PXYLP1: variants seen among roughly 807,000 people sequenced by gnomAD.
PXYLP1 encodes 2-phosphoxylose phosphatase 1.
In PXYLP1, 17 loss-of-function variants were observed where a neutral mutation model predicts 37.9. The observed-to-expected ratio is 0.45, with a 90% CI of 0.31 to 0.67. The LOEUF is 0.67. PXYLP1 is among the 30% of genes least tolerant of loss of function. The pLI is 0.07. For synonymous variants in PXYLP1, 221 were observed against 232.2 expected (o/e 0.95, Z 0.44); for missense variants, 511 against 612.0 (o/e 0.84, Z 1.74).
chr3:141,239,214 G>A (rs1042693813), intron 1 of PXYLP1, among the ~76,000 whole-genome samples: 2 of 152,276 alleles, frequency 1.3e-5, no homozygotes, highest in Non-Finnish European at 2.9e-5. Context: ...TGACTTCTCT[G>A]GTCATGATCA....
Position 141,287,488 on chromosome 3 carries a change from C to T in PXYLP1, c.505+35C>T, listed in dbSNP as rs200959489. On this transcript the variant is annotated intron_variant, in intron 5 of 5. Coordinates refer to ENST00000286353, the MANE Select transcript of PXYLP1 (RefSeq NM_001037172.3). ...ACCCCCATGCGCTCAGGGGTTCCCC[C>T]ACCCGCTCTTCTGCTTGCATACCTT... is the stretch of plus-strand genomic sequence containing the variant. The T allele has an allele frequency of 9.4e-6, 15 of 1,602,224 alleles. No individual in the cohort carries two copies. The East Asian group carries it at 2.5e-4, about 26-fold the overall frequency.
chr3:141,262,611 A>C (rs1941418972), intron 2 of PXYLP1: 1 of 1,477,194 alleles, frequency 6.8e-7, no homozygotes, highest in East Asian at 2.5e-5. Context: ...TACTTTTTTA[A>C]GGAAAATTTT....
chr3:141,287,306 C>A lies in PXYLP1; in HGVS notation c.366-8C>A. On this transcript the variant is annotated splice_region_variant and splice_polypyrimidine_tract_variant and intron_variant, in intron 4 of 5. Transcript: ENST00000286353. The stretch of plus-strand genomic sequence containing the variant: ...TCTGACCTCTAACTCTCTCTATCAT[C>A]TCTCTAGGAAACCGTATCACCCAAA... The A allele has an allele frequency of 6.2e-7, 1 of 1,613,516 alleles. No homozygotes were observed. The highest frequency in any genetic ancestry group is 2.2e-5 in the East Asian group (1 of 44,876).
At chr3:141,288,201 G>T (rs1942119825) in intron 5 of PXYLP1, among the ~76,000 whole-genome samples, 1 of 152,220 alleles carries the variant, frequency 6.6e-6, no homozygotes, top group South Asian at 2.1e-4. Context: ...AGAGGTTTCA[G>T]TTTTCTGATT....
chr3:141,272,905 C>T, intron 2 of PXYLP1: 7 of 881,470 alleles, frequency 7.9e-6, no homozygotes, highest in Non-Finnish European at 9.5e-6. Flanking sequence ...TGGCAGCACA[C>T]TCATAGACAC....
At chr3:141,280,189 A>T (rs1941914757) in intron 4 of PXYLP1, among the ~76,000 whole-genome samples, 1 of 152,224 alleles carries the variant, frequency 6.6e-6, no homozygotes, top group Admixed American at 6.5e-5. Flanking sequence ...ATTCTAGCAG[A>T]GTTTAGTGAA....
chr3:141,277,431 C>T (rs1397261676), intron 2 of PXYLP1, among the ~76,000 whole-genome samples: 4 of 152,000 alleles, frequency 2.6e-5, no homozygotes, highest in African/African-American at 9.7e-5. Context: ...TCCCTAGGCA[C>T]GGAGAGATTA....
At chr3:141,259,621 C>G (rs1273462206) in intron 1 of PXYLP1, among the ~76,000 whole-genome samples, 1 of 152,094 alleles carries the variant, frequency 6.6e-6, no homozygotes, top group Admixed American at 6.5e-5. Flanking sequence ...CACACCCAGA[C>G]CATCCCCCAA....
chr3:141,287,211 G>A (rs1013095457), intron 4 of PXYLP1, 103 bp from the exon 5 acceptor site: 1 of 1,260,692 alleles, frequency 7.9e-7, no homozygotes, highest in Non-Finnish European at 1.1e-6. Context: ...TACTGTGGGT[G>A]CAAAAGGCTG....
intron 1 of PXYLP1, among the ~76,000 whole-genome samples, chr3:141,248,125 C>T (rs1941007660): frequency 6.8e-6 from 1 of 147,528 alleles, no homozygotes; most frequent in Non-Finnish European, 1.5e-5. Context: ...CAGGTTCAAG[C>T]AGTTCTCCTG....
At chr3:141,239,705 C>T (rs991405174) in intron 1 of PXYLP1, among the ~76,000 whole-genome samples, 5 of 152,150 alleles carry the variant, frequency 3.3e-5, no homozygotes, top group Non-Finnish European at 7.3e-5. Flanking sequence ...GCCAAATGCC[C>T]GAAGGGGAGT....
intron 2 of PXYLP1, among the ~76,000 whole-genome samples, chr3:141,268,489 T>A (rs1159222105): frequency 6.6e-6 from 1 of 152,156 alleles, no homozygotes; most frequent in East Asian, 1.9e-4. Context: ...CCCCGCTCAC[T>A]CCCTGTTGTC....
intron 1 of PXYLP1, among the ~76,000 whole-genome samples, chr3:141,247,579 G>C (rs1940990735): frequency 6.6e-6 from 1 of 152,120 alleles, no homozygotes; most frequent in Admixed American, 6.5e-5. Flanking sequence ...CAGAGTTGGT[G>C]GGTAGAGTCA....
intron 1 of PXYLP1, among the ~76,000 whole-genome samples, chr3:141,237,612 T>C (rs1019156257): frequency 9.2e-5 from 14 of 152,238 alleles, no homozygotes; most frequent in Admixed American, 7.2e-4. Context: ...ACCTACCACA[T>C]GGTACATGCT....
chr3:141,292,488 T>C lies in PXYLP1; in HGVS notation c.726T>C (p.Ser242=), dbSNP rs757877745. The change falls in exon 6 of 6, where the codon TCT becomes TCC. Residue 242 remains serine (S), a synonymous_variant. Coordinates refer to ENST00000286353, the MANE Select transcript of PXYLP1 (RefSeq NM_001037172.3). The surrounding 1 kb of genome is among the most constrained non-coding windows in gnomAD (Gnocchi z 4.3). ...ACCAGCCAAGTGCGCTGTTCTGCTCTGGAAGCTGCTATTGCCCGGTAAGAA... is the reference window on the plus strand; with the variant it reads ...ACCAGCCAAGTGCGCTGTTCTGCTCCGGAAGCTGCTATTGCCCGGTAAGAA... ...FRHQPSALFC[S]GSCYCPVRNQ... 10 of 1,614,110 alleles carry C rather than the reference T, an allele frequency of 6.2e-6. No homozygotes were observed. The highest frequency in any genetic ancestry group is 1.3e-5 in the African/African-American group (1 of 74,934).
At chr3:141,273,016 C>T in intron 2 of PXYLP1, 1 of 985,480 alleles carries the variant, frequency 1.0e-6, no homozygotes, top group South Asian at 4.7e-5. Flanking sequence ...ATATCCATGT[C>T]TTCACTGCAT....
At chr3:141,272,845 G>A (rs28480447) in intron 2 of PXYLP1, 55,156 of 359,120 alleles carry the variant, frequency 0.15, 6,113 homozygotes, top group African/African-American at 0.42. Context: ...CACCCAGATT[G>A]AGGGTGGGTC....
chr3:141,291,218 T>A (rs1942196670), intron 5 of PXYLP1, among the ~76,000 whole-genome samples: 1 of 152,064 alleles, frequency 6.6e-6, no homozygotes, highest in South Asian at 2.1e-4. Flanking sequence ...ATAAATGGTG[T>A]CACTGGTCAC....
chr3:141,265,516 G>A (rs970317622), intron 2 of PXYLP1, among the ~76,000 whole-genome samples: 1 of 152,104 alleles, frequency 6.6e-6, no homozygotes, highest in Middle Eastern at 3.4e-3. Context: ...GCACCTCAGA[G>A]GCTGTTTTGC....
Sources: gnomAD v4.1 joint callset for allele counts (sites outside exome capture counted in the v4.1 genomes callset) on GRCh38, gnomAD v4.1.1 for gene constraint, Gnocchi (gnomAD v3.1) non-coding constraint, MANE v1.5 for transcripts, NCBI Gene and HGNC (gene_info 2026-07-23, HGNC 2026-07-21) for gene names.